Variants in CFAP44 observed in about 807,000 individuals in gnomAD.
CFAP44 encodes cilia- and flagella-associated protein 44.
A neutral mutation model predicts 216.2 loss-of-function variants in CFAP44; 134 were observed. The observed-to-expected ratio is 0.62, with a 90% CI of 0.54 to 0.72. CFAP44 has a LOEUF of 0.72. Among genes scored for constraint, CFAP44 ranks in the 30% least tolerant of loss-of-function variants. CFAP44 has a pLI of 0.00. For synonymous variants in CFAP44, 700 were observed against 727.6 expected (o/e 0.96, Z 0.61); for missense variants, 2,035 against 2,182.1 (o/e 0.93, Z 1.34).
Position 113,433,819 on chromosome 3 carries a change from G to A in CFAP44, c.-5-150C>T, listed in dbSNP as rs916660214. On this transcript the variant is annotated intron_variant, in intron 1 of 34. Transcript: ENST00000393845. The stretch of plus-strand genomic sequence containing the variant: ...TCCAGGATGACCCACCAGTAGGAGG[G>A]TGCAACTACCACCAGAGACCTCTGA... 5.0e-6 allele frequency: 3 copies of A among 605,552 alleles called. No individual in the cohort carries two copies. In the East Asian group the frequency reaches 8.5e-5, roughly 17 times the overall value. 37.5% of individuals were successfully genotyped at this position (605,552 alleles called of 1,614,324 possible). A position where few individuals can be genotyped will look rare whatever the true frequency, so the allele number is the denominator to read the frequency against.
chr3:113,327,090 A>G (rs1294179042), intron 27 of CFAP44, among the ~76,000 whole-genome samples: 1 of 152,130 alleles, frequency 6.6e-6, no homozygotes, highest in Non-Finnish European at 1.5e-5. Flanking sequence ...TGTTTAATAG[A>G]ATCTTTCTTA....
intron 15 of CFAP44, among the ~76,000 whole-genome samples, chr3:113,393,297 A>G (rs1933895896): frequency 6.6e-6 from 1 of 152,108 alleles, no homozygotes; most frequent in African/African-American, 2.4e-5. Context: ...AATTATGCTG[A>G]GTGTTTTGGT....
intron 24 of CFAP44, among the ~76,000 whole-genome samples, chr3:113,338,649 G>A (rs1291194344): frequency 6.6e-6 from 1 of 152,112 alleles, no homozygotes; most frequent in East Asian, 1.9e-4. Flanking sequence ...ATCTCTCCAG[G>A]AACGTTCAAA....
intron 17 of CFAP44, among the ~76,000 whole-genome samples, chr3:113,374,211 A>C (rs1210420863): frequency 1.3e-5 from 2 of 151,888 alleles, no homozygotes; most frequent in African/African-American, 4.8e-5. Context: ...TTTCAGCCAA[A>C]CTCTCCCACT....
At chr3:113,384,416 C>T (rs1482099752) in intron 15 of CFAP44, among the ~76,000 whole-genome samples, 1 of 151,952 alleles carries the variant, frequency 6.6e-6, no homozygotes, top group African/African-American at 2.4e-5. Context: ...GAATTGTGTC[C>T]CTTCAGAAAA....
At chr3:113,368,083 G>A (rs1182225438) in intron 18 of CFAP44, among the ~76,000 whole-genome samples, 1 of 152,196 alleles carries the variant, frequency 6.6e-6, no homozygotes, top group Non-Finnish European at 1.5e-5. Flanking sequence ...AGAAATATGG[G>A]ACTATGTGAA....
At chr3:113,306,607 C>T (rs1949988083) in intron 29 of CFAP44, among the ~76,000 whole-genome samples, 1 of 152,120 alleles carries the variant, frequency 6.6e-6, no homozygotes. Context: ...GCTCATAGAC[C>T]CTGCAAGGCA....
chr3:113,355,201 T>A (rs767329242), intron 22 of CFAP44, among the ~76,000 whole-genome samples: 1 of 151,568 alleles, frequency 6.6e-6, no homozygotes, highest in Non-Finnish European at 1.5e-5. Flanking sequence ...CACTACCTGT[T>A]CCCCCAAAAA....
intron 24 of CFAP44, 55 bp downstream of exon 24, chr3:113,341,684 ATATAT>A: frequency 7.4e-7 from 1 of 1,352,016 alleles, no homozygotes. Context: ...GATTTTTAAG[ATATAT>A]TATTTTGGGG....
chr3:113,366,327 T>C lies in CFAP44; in HGVS notation c.2445-18A>G. 1 of 1,588,128 alleles carries C rather than the reference T, an allele frequency of 6.3e-7. No individual in the cohort carries two copies. The highest frequency in any genetic ancestry group is 8.6e-7 in the Non-Finnish European group (1 of 1,164,652). The stretch of plus-strand genomic sequence containing the variant: ...TGTTAATGCTACGAAACAAAAAATG[T>C]AAATTGTTCTTCCCATTAATCTGAA... On this transcript the variant is annotated intron_variant, in intron 18 of 34. Coordinates refer to ENST00000393845, the MANE Select transcript of CFAP44 (RefSeq NM_001164496.2).
At chr3:113,347,161 G>A (rs1018059715) in intron 22 of CFAP44, among the ~76,000 whole-genome samples, 3 of 152,150 alleles carry the variant, frequency 2.0e-5, no homozygotes, top group Non-Finnish European at 2.9e-5. Context: ...CGTGGCCGCC[G>A]GACTAAAGAC....
intron 15 of CFAP44, among the ~76,000 whole-genome samples, chr3:113,395,010 G>T (rs1252607007): frequency 6.6e-6 from 1 of 152,158 alleles, no homozygotes; most frequent in East Asian, 1.9e-4. Context: ...ATGAGTATTT[G>T]TTGACTAACT....
rs1176047250 is a variant in CFAP44 at position 113,289,403 on chromosome 3, T to C, written c.*2154A>G. ...ATGTGGCTCTTCTGTAGACTGTAGG[T>C]CCATTCTTGCTGCAATCAGAATCAG... is the stretch of plus-strand genomic sequence containing the variant. On this transcript the variant is annotated 3_prime_UTR_variant, in exon 35 of 35. Transcript: ENST00000393845. The C allele has an allele frequency of 6.6e-6, 1 of 152,150 alleles. No individual in the cohort carries two copies. The highest frequency in any genetic ancestry group is 1.5e-5 in the Non-Finnish European group (1 of 68,032). The allele number at this position is 152,150 out of a possible 1,614,324, so 9.4% of individuals were successfully genotyped here. A position where few individuals can be genotyped will look rare whatever the true frequency, so the allele number is the denominator to read the frequency against.
chr3:113,429,633 T>C (rs995842425), intron 2 of CFAP44, among the ~76,000 whole-genome samples: 4 of 152,192 alleles, frequency 2.6e-5, no homozygotes, highest in East Asian at 3.8e-4. Context: ...ATTATTGATA[T>C]GGTTAGATTT....
chr3:113,431,744 T>G (rs1166289071), intron 2 of CFAP44, among the ~76,000 whole-genome samples: 1 of 152,154 alleles, frequency 6.6e-6, no homozygotes, highest in African/African-American at 2.4e-5. Context: ...TTAAAAGAAT[T>G]TAATGCAAAT....
chr3:113,400,513 C>A, intron 12 of CFAP44, 32 bp downstream of exon 12: 9 of 1,498,034 alleles, frequency 6.0e-6, no homozygotes, highest in South Asian at 2.7e-5. Flanking sequence ...AAAACAAGGC[C>A]AGACATATTT....
chr3:113,341,723 T>C lies in CFAP44; in HGVS notation c.3437+21A>G, dbSNP rs201713461. On this transcript the variant is annotated intron_variant, in intron 24 of 34. Transcript: ENST00000393845. ...GGCTCACATATTAAAAAGATAAGAG[T>C]TTAGGTAAAAAAAAACTCACAGTTC... 3.1e-4 allele frequency: 458 copies of C among 1,464,506 alleles called. 1 individual carries two copies. Among genetic ancestry groups the C allele is most frequent in the Admixed American group, 2.3e-4 (8 of 34,134 alleles). The allele number at this position is 1,464,506 out of a possible 1,614,324, so 90.7% of individuals were successfully genotyped here.
At chr3:113,344,011 G>A (rs1950358633) in intron 23 of CFAP44, among the ~76,000 whole-genome samples, 1 of 152,094 alleles carries the variant, frequency 6.6e-6, no homozygotes, top group African/African-American at 2.4e-5. Flanking sequence ...CAGGTTGCAG[G>A]GATTAGAGGT....
chr3:113,421,282 A>G (rs1328925626), intron 4 of CFAP44, among the ~76,000 whole-genome samples: 1 of 152,228 alleles, frequency 6.6e-6, no homozygotes, highest in African/African-American at 2.4e-5. Flanking sequence ...AATCAAAACC[A>G]CAATGAGATA....
Sources: allele counts gnomAD v4.1 joint callset (sites outside exome capture counted in the v4.1 genomes callset), GRCh38; gene constraint gnomAD v4.1.1; transcripts MANE v1.5; gene names NCBI Gene and HGNC (gene_info 2026-07-23, HGNC 2026-07-21).